Variants in EGF observed in about 807,000 individuals in gnomAD.
EGF encodes the protein pro-epidermal growth factor.
Under a neutral mutation model 143.8 loss-of-function variants are expected in EGF, and 95 were observed. That is an observed-to-expected ratio of 0.66 (90% CI 0.56 to 0.78). The LOEUF (loss-of-function observed/expected upper bound fraction) is 0.78. Ranked by LOEUF, EGF falls within the 30% of genes least tolerant of loss-of-function variation. The pLI is 0.00. For missense variants in EGF, 1,320 were observed against 1,470.9 expected, an observed-to-expected ratio of 0.90 and a Z score of 1.68; for synonymous variants, 510 against 510.5, an observed-to-expected ratio of 1.00 and a Z score of 0.01.
chr4:109,930,244 T>A (rs1393318477), intron 1 of EGF, among the ~76,000 whole-genome samples: 2 of 152,198 alleles, frequency 1.3e-5, no homozygotes, highest in African/African-American at 4.8e-5. Flanking sequence ...AGTGCTCTTT[T>A]AAGTACCGTA....
chr4:109,971,545 C>T (rs1747660490), intron 11 of EGF, among the ~76,000 whole-genome samples: 1 of 152,156 alleles, frequency 6.6e-6, no homozygotes, highest in Non-Finnish European at 1.5e-5. Context: ...ATGGTACCGA[C>T]TGCAGAGGCA....
In EGF at chr4:109,994,836, T is replaced by C. The variant is rs1407924094; in HGVS notation, c.2961T>C (p.Asp987=). 1.2e-6 allele frequency: 2 copies of C among 1,614,174 alleles called. No individual in the cohort carries two copies. The highest frequency in any genetic ancestry group is 1.7e-6 in the Non-Finnish European group (2 of 1,180,006). Residue 987 remains aspartate, a synonymous_variant, in exon 20 of 24, where the codon GAT becomes GAC. Transcript: ENST00000265171. ...PLSHDGYCLH[D]GVCMYIEALD... ...CCCACGATGGGTACTGCCTCCATGATGGTGTGTGCATGTATATTGAAGCAT... is the reference window on the plus strand; with the variant it reads ...CCCACGATGGGTACTGCCTCCATGACGGTGTGTGCATGTATATTGAAGCAT...
At chr4:109,949,609 T>C (rs3796947) in intron 5 of EGF, among the ~76,000 whole-genome samples, 23,970 of 151,174 alleles carry the variant, frequency 0.16, 3,233 homozygotes, top group African/African-American at 0.37. Flanking sequence ...TTATTTGTAG[T>C]TCAGACCTCT....
intron 17 of EGF, among the ~76,000 whole-genome samples, chr4:109,988,286 C>T (rs914492307): frequency 6.6e-6 from 1 of 151,210 alleles, no homozygotes; most frequent in African/African-American, 2.4e-5. Flanking sequence ...TATTAATAGC[C>T]TCAAAATTAT....
chr4:109,978,202 T>C lies in EGF; in HGVS notation c.2054-1770T>C, dbSNP rs925239660. Among the ~76,000 whole-genome samples the C allele has an allele frequency of 3.9e-5, 6 of 152,362 alleles. No individual in the cohort carries two copies. The East Asian group carries it at 7.7e-4, about 20-fold the overall frequency. On this transcript the variant is annotated intron_variant, in intron 13 of 23. Transcript: ENST00000265171. Reference sequence around the variant, plus strand: ...AATGATAACTGAGGTAATGCATTTGTTAATTGGCTAGATTCAGCCATTCCA... The same window carrying C: ...AATGATAACTGAGGTAATGCATTTGCTAATTGGCTAGATTCAGCCATTCCA...
chr4:109,926,656 C>T (rs1430513672), intron 1 of EGF, among the ~76,000 whole-genome samples: 1 of 152,112 alleles, frequency 6.6e-6, no homozygotes, highest in Non-Finnish European at 1.5e-5. Flanking sequence ...TGCACTCGGC[C>T]GTGACACCGT....
chr4:109,969,091 G>A lies in EGF; in HGVS notation c.1696G>A (p.Gly566Ser), dbSNP rs762816834. Residue 566 changes from glycine (G) to serine (S), a missense_variant, in exon 11 of 24, where the codon GGC becomes AGC. Transcript: ENST00000265171. ...AGAAGGTCTTGCTGTGGACTGGATT[G>A]GCCGTAGATTCTATTGGACAGACAG... The part of the protein sequence containing the change: ...VPEGLAVDWI[G>S]RRFYWTDRGK... 3 of 1,614,088 alleles carry A rather than the reference G, an allele frequency of 1.9e-6. No homozygotes were observed. Among genetic ancestry groups the A allele is most frequent in the Non-Finnish European group, 1.7e-6 (2 of 1,179,996 alleles).
At chr4:109,918,558 G>A (rs970020012) in intron 1 of EGF, among the ~76,000 whole-genome samples, 5 of 152,128 alleles carry the variant, frequency 3.3e-5, no homozygotes, top group African/African-American at 1.2e-4. Flanking sequence ...GCTGTGATGA[G>A]GAAGGCAAGG....
intron 18 of EGF, among the ~76,000 whole-genome samples, chr4:109,990,750 A>G (rs1164602532): frequency 2.6e-5 from 4 of 152,142 alleles, no homozygotes; most frequent in South Asian, 4.1e-4. Context: ...CTGTGTTCTC[A>G]TATGGCCTTC....
At chr4:109,947,663 C>A (rs533004466) in intron 5 of EGF, among the ~76,000 whole-genome samples, 2 of 152,304 alleles carry the variant, frequency 1.3e-5, no homozygotes, top group Admixed American at 1.3e-4. Context: ...AACTCATTGT[C>A]TGAGTGGTGA....
intron 1 of EGF, among the ~76,000 whole-genome samples, chr4:109,921,341 T>C (rs1404626542): frequency 6.6e-6 from 1 of 151,394 alleles, no homozygotes; most frequent in East Asian, 1.9e-4. Flanking sequence ...GGAATCTGAA[T>C]TGGTGTGAGC....
rs527244327 is a variant in EGF, at chr4:109,968,465, G to A, written c.1576-506G>A. Among the ~76,000 whole-genome samples, 16 of 152,140 alleles carry A rather than the reference G, an allele frequency of 1.1e-4. No homozygotes were observed. In the South Asian group the frequency reaches 3.1e-3, roughly 30 times the overall value. On this transcript the variant is annotated intron_variant, in intron 10 of 23. Transcript: ENST00000265171. ...AATTGCAAATCATTGCCCCCTTTCAGAAGCCACAGTAGTTCAAGCATGATG... is the reference window on the plus strand; with the variant it reads ...AATTGCAAATCATTGCCCCCTTTCAAAAGCCACAGTAGTTCAAGCATGATG...
At chr4:109,961,824 G>A in intron 7 of EGF, 39 bp from the exon 8 acceptor site, 2 of 1,611,096 alleles carry the variant, frequency 1.2e-6, no homozygotes, top group South Asian at 1.1e-5. Flanking sequence ...TTGCAAACCC[G>A]ATTTAACACT....
At chr4:109,927,381 C>T (rs1355347625) in intron 1 of EGF, among the ~76,000 whole-genome samples, 9 of 151,964 alleles carry the variant, frequency 5.9e-5, no homozygotes, top group Admixed American at 1.3e-4. Context: ...TTTTAACATG[C>T]GGGGGGACTT....
chr4:109,949,618 C>CT (rs773134299), intron 5 of EGF, among the ~76,000 whole-genome samples: 4,136 of 140,910 alleles, frequency 0.029, 98 homozygotes, highest in African/African-American at 0.062. Flanking sequence ...GTTCAGACCT[C>CT]TTTTTTTTTT....
rs536403010 is a variant in EGF, at chr4:109,982,287, G to T, written c.2372-1135G>T. 5.6e-5 allele frequency among the ~76,000 whole-genome samples: 8 copies of T among 143,010 alleles called. No individual in the cohort carries two copies. The South Asian group carries it at 1.6e-3, about 28-fold the overall frequency. 93.8% of individuals were successfully genotyped at this position (143,010 alleles called of 152,430 possible). A position where few individuals can be genotyped will look rare whatever the true frequency, so the allele number is the denominator to read the frequency against. ...GCCTCCCAAAGTGCTGGGATTATAG[G>T]TGTAAGCTACCCTGCCCAGCCAATT... is the stretch of plus-strand genomic sequence containing the variant. On this transcript the variant is annotated intron_variant, in intron 15 of 23. Coordinates refer to ENST00000265171, the MANE Select transcript of EGF (RefSeq NM_001963.6).
intron 19 of EGF, 24 bp from the exon 20 acceptor site, chr4:109,994,709 A>G: frequency 1.2e-6 from 2 of 1,613,098 alleles, no homozygotes; most frequent in Non-Finnish European, 1.7e-6. Context: ...CAGAAAGTAA[A>G]AGTAATGTCT....
chr4:109,929,909 G>C (rs1179612118), intron 1 of EGF, among the ~76,000 whole-genome samples: 2 of 152,288 alleles, frequency 1.3e-5, no homozygotes, highest in African/African-American at 2.4e-5. Context: ...ATTCCATCTT[G>C]AATTGTAATC....
At chr4:109,916,274 T>C (rs187636886) in intron 1 of EGF, among the ~76,000 whole-genome samples, 3 of 152,296 alleles carry the variant, frequency 2.0e-5, no homozygotes, top group Admixed American at 1.3e-4. Flanking sequence ...TTGTCTGTTT[T>C]TTCAGCCAGG....
Sources: gnomAD v4.1 joint callset for allele counts (sites outside exome capture counted in the v4.1 genomes callset) on GRCh38, gnomAD v4.1.1 for gene constraint, MANE v1.5 for transcripts, NCBI Gene and HGNC (gene_info 2026-07-23, HGNC 2026-07-21) for gene names.